GRID1: variants seen among roughly 807,000 people sequenced by gnomAD.
The protein encoded by GRID1 is glutamate ionotropic receptor delta type subunit 1.
GRID1 carries 28 observed loss-of-function variants against 98.0 expected under a neutral mutation model. The observed-to-expected ratio is 0.29, with a 90% CI of 0.21 to 0.39. The LOEUF is 0.39. GRID1 is among the 10% of genes least tolerant of loss of function. GRID1 has a pLI of 1.00. For missense variants in GRID1, 1,111 were observed against 1,340.5 expected (o/e 0.83, Z 2.67); for synonymous variants, 553 against 538.5 (o/e 1.03, Z -0.37).
chr10:85,640,054 G>GGTGAACACTT (rs200192101), intron 13 of GRID1, among the ~76,000 whole-genome samples: 3,262 of 152,176 alleles, frequency 0.021, 42 homozygotes, highest in African/African-American at 0.032. Context: ...GGTACAGAAA[G>GGTGAACACTT]GTGAACACTT....
At chr10:85,764,903 G>A (rs756668886) in intron 8 of GRID1, among the ~76,000 whole-genome samples, 1 of 152,062 alleles carries the variant, frequency 6.6e-6, no homozygotes, top group South Asian at 2.1e-4. Context: ...AAATAGAAAG[G>A]GTCATCAGAC....
At chr10:86,273,181 C>T (rs370975717) in intron 2 of GRID1, among the ~76,000 whole-genome samples, 5 of 151,412 alleles carry the variant, frequency 3.3e-5, no homozygotes, top group South Asian at 4.2e-4. Flanking sequence ...TTTGCCCTTG[C>T]GATAGTTTAC....
intron 8 of GRID1, among the ~76,000 whole-genome samples, chr10:85,829,630 A>C (rs1842850189): frequency 6.6e-6 from 1 of 152,182 alleles, no homozygotes; most frequent in Non-Finnish European, 1.5e-5. Context: ...ATACACAAAA[A>C]TCCGTAGCAT....
At position 86,346,493 on chromosome 10, in the gene GRID1, T is replaced by G. The variant is rs577877000; in HGVS notation, c.235+17448A>C. ...ATCCTGTAGCAGAGATAAACGTCTC[T>G]GAGTAGCCAGCCGCCTAATGAGACT... On this transcript the variant is annotated intron_variant, in intron 2 of 15. Transcript: ENST00000327946. Among the ~76,000 whole-genome samples the G allele has an allele frequency of 4.6e-5, 7 of 152,320 alleles. No individual in the cohort carries two copies. In the South Asian group the frequency reaches 1.4e-3, roughly 32 times the overall value.
intron 8 of GRID1, among the ~76,000 whole-genome samples, chr10:85,772,131 C>T (rs185609705): frequency 4.9e-4 from 75 of 152,126 alleles, no homozygotes; most frequent in Non-Finnish European, 8.8e-5. Context: ...TCTCTCAGAC[C>T]ACAGTGCAAT....
chr10:85,893,134 C>T (rs976497007), intron 5 of GRID1, among the ~76,000 whole-genome samples: 3 of 151,932 alleles, frequency 2.0e-5, no homozygotes, highest in Admixed American at 6.6e-5. Context: ...AAAGACAAAA[C>T]GTGATTATCT....
chr10:85,741,824 A>G (rs1201315580), intron 8 of GRID1, among the ~76,000 whole-genome samples: 1 of 151,152 alleles, frequency 6.6e-6, no homozygotes, highest in East Asian at 1.9e-4. Flanking sequence ...CGCTCACTAC[A>G]CCCCACCGAC....
At chr10:85,899,281 T>C (rs1030293852) in intron 5 of GRID1, among the ~76,000 whole-genome samples, 7 of 152,244 alleles carry the variant, frequency 4.6e-5, no homozygotes, top group African/African-American at 1.4e-4. Flanking sequence ...TTCCTTTGTG[T>C]AGATAGACCA....
chr10:85,653,379 C>T (rs925861557), intron 12 of GRID1, among the ~76,000 whole-genome samples: 1 of 152,136 alleles, frequency 6.6e-6, no homozygotes, highest in African/African-American at 2.4e-5. Context: ...AGTATGTCCT[C>T]GCACTGGACT....
chr10:85,657,522 C>T (rs1476769243), intron 12 of GRID1, among the ~76,000 whole-genome samples: 1 of 152,120 alleles, frequency 6.6e-6, no homozygotes, highest in Non-Finnish European at 1.5e-5. Flanking sequence ...AATGAGTTGG[C>T]CTTTAAAAAT....
intron 12 of GRID1, chr10:85,647,657 A>C (rs997304463): frequency 2.8e-5 from 12 of 426,678 alleles, no homozygotes; most frequent in African/African-American, 1.8e-4. Context: ...TCTTTACTGA[A>C]CTGGAGGGAT....
At chr10:85,940,559 C>T (rs1841986371) in intron 4 of GRID1, among the ~76,000 whole-genome samples, 1 of 151,926 alleles carries the variant, frequency 6.6e-6, no homozygotes, top group South Asian at 2.1e-4. Flanking sequence ...TGACTTACAG[C>T]TCTGGAAATA....
intron 2 of GRID1, among the ~76,000 whole-genome samples, chr10:86,291,369 G>C (rs1564730414): frequency 1.3e-5 from 2 of 152,330 alleles, no homozygotes; most frequent in Admixed American, 6.5e-5. Context: ...GCTAGAGGAA[G>C]GGAAGCTGAG....
At chr10:85,727,616 C>G (rs1408372645) in intron 10 of GRID1, among the ~76,000 whole-genome samples, 1 of 152,094 alleles carries the variant, frequency 6.6e-6, no homozygotes, top group African/African-American at 2.4e-5. Context: ...TGATAGACTT[C>G]AAAGGAATGA....
At chr10:85,980,284 G>T (rs894166915) in intron 4 of GRID1, among the ~76,000 whole-genome samples, 1 of 152,212 alleles carries the variant, frequency 6.6e-6, no homozygotes, top group Non-Finnish European at 1.5e-5. Flanking sequence ...TCACCTCTGG[G>T]CCCCTACTCC....
chr10:85,695,124 G>A (rs1376312420), intron 12 of GRID1, among the ~76,000 whole-genome samples: 1 of 151,828 alleles, frequency 6.6e-6, no homozygotes, highest in Non-Finnish European at 1.5e-5. Context: ...TACTAATTTG[G>A]GACTTTCCAG....
chr10:86,336,824 G>A (rs1337321673), intron 2 of GRID1, among the ~76,000 whole-genome samples: 1 of 149,474 alleles, frequency 6.7e-6, no homozygotes, highest in Non-Finnish European at 1.5e-5. Flanking sequence ...AAGACCCTGA[G>A]CCCTGCTGAC....
At position 85,865,190 on chromosome 10, in the gene GRID1, CAG is replaced by C. The variant is rs10569110; in HGVS notation, c.951+3818_951+3819del. On this transcript the variant is annotated intron_variant, in intron 6 of 15. Transcript: ENST00000327946. Reference sequence around the variant, plus strand: ...AAGAATCAAAAACACACAAATAAGACAGTGCTTTGTGGGGAAAAATAAACAAC... The same window carrying C: ...AAGAATCAAAAACACACAAATAAGACTGCTTTGTGGGGAAAAATAAACAAC... 9.6e-3 allele frequency among the ~76,000 whole-genome samples: 1,465 copies of C among 152,288 alleles called. 31 individuals are homozygous for C. Among genetic ancestry groups the C allele is most frequent in the African/African-American group, 0.033 (1,389 of 41,550 alleles).
chr10:85,784,909 T>G (rs1842412776), intron 8 of GRID1, among the ~76,000 whole-genome samples: 1 of 152,242 alleles, frequency 6.6e-6, no homozygotes, highest in Non-Finnish European at 1.5e-5. Flanking sequence ...GACTGCATTT[T>G]CAGCCTCACT....
Sources: gnomAD v4.1 joint callset for allele counts (sites outside exome capture counted in the v4.1 genomes callset) on GRCh38, gnomAD v4.1.1 for gene constraint, MANE v1.5 for transcripts, NCBI Gene and HGNC (gene_info 2026-07-23, HGNC 2026-07-21) for gene names.